The following VPS13B variants were observed in gnomAD, a reference collection of about 807,000 sequenced individuals.
VPS13B encodes the protein vacuolar protein sorting 13 homolog B, also known as intermembrane lipid transfer protein VPS13B.
Under a neutral mutation model 426.4 loss-of-function variants are expected in VPS13B, and 285 were observed. The ratio of observed to expected loss-of-function variants is 0.67; its 90% CI spans 0.61 to 0.74. The LOEUF is 0.74. VPS13B is among the 30% of genes least tolerant of loss of function. The probability of loss-of-function intolerance (pLI) is 0.00; values close to 1 mark genes in which losing one functional copy is unlikely to be tolerated. For synonymous variants in VPS13B, 1,676 were observed against 1,676.4 expected (o/e 1.00, Z 0.01); for missense variants, 4,537 against 4,782.6 (o/e 0.95, Z 1.51).
At chr8:99,352,874 AG>A (rs1370505437) in intron 19 of VPS13B, among the ~76,000 whole-genome samples, 2 of 152,118 alleles carry the variant, frequency 1.3e-5, no homozygotes, top group African/African-American at 4.8e-5. Context: ...TCTTTTCCAA[AG>A]GGCAAATTGT....
chr8:99,331,377 C>T (rs1296073016), intron 19 of VPS13B, among the ~76,000 whole-genome samples: 1 of 151,690 alleles, frequency 6.6e-6, no homozygotes, highest in Non-Finnish European at 1.5e-5. Flanking sequence ...AACTGTCAGC[C>T]TGTGTAGCAA....
chr8:99,732,020 A>C (rs1265843758), intron 39 of VPS13B, among the ~76,000 whole-genome samples: 1 of 152,206 alleles, frequency 6.6e-6, no homozygotes, highest in African/African-American at 2.4e-5. Flanking sequence ...CAAGAGATTT[A>C]ACATACAATT....
intron 3 of VPS13B, among the ~76,000 whole-genome samples, chr8:99,081,572 C>T (rs1156605157): frequency 8.9e-6 from 1 of 111,934 alleles, no homozygotes; most frequent in Non-Finnish European, 1.8e-5. Context: ...CTATCCCTCC[C>T]CCCTCCCCCA....
At chr8:99,462,798 A>C (rs1338508723) in intron 23 of VPS13B, among the ~76,000 whole-genome samples, 1 of 152,164 alleles carries the variant, frequency 6.6e-6, no homozygotes, top group Non-Finnish European at 1.5e-5. Context: ...CCTTAAGATG[A>C]AGAGGAAGAA....
intron 35 of VPS13B, among the ~76,000 whole-genome samples, chr8:99,694,604 A>G (rs1331156131): frequency 1.8e-5 from 2 of 112,000 alleles, no homozygotes; most frequent in African/African-American, 7.0e-5. Context: ...CTAGAAGAAA[A>G]CCTAGGCATT....
At chr8:99,699,286 A>G (rs553338067) in intron 35 of VPS13B, among the ~76,000 whole-genome samples, 2 of 152,140 alleles carry the variant, frequency 1.3e-5, no homozygotes, top group Admixed American at 6.5e-5. Context: ...AGGGCCACAC[A>G]TGTCACAAGG....
chr8:99,517,298 T>C (rs541548763), intron 29 of VPS13B, among the ~76,000 whole-genome samples: 1 of 152,340 alleles, frequency 6.6e-6, no homozygotes, highest in South Asian at 2.1e-4. Context: ...AAAATTCTGG[T>C]CTTTATTCAA....
At chr8:99,589,161 G>A (rs1826465446) in intron 33 of VPS13B, among the ~76,000 whole-genome samples, 1 of 151,666 alleles carries the variant, frequency 6.6e-6, no homozygotes, top group Admixed American at 6.6e-5. Context: ...CTTGATCATG[G>A]TGGATAAACT....
At chr8:99,675,161 A>T in intron 35 of VPS13B, among the ~76,000 whole-genome samples, 1 of 151,856 alleles carries the variant, frequency 6.6e-6, no homozygotes, top group African/African-American at 2.4e-5. Context: ...TGTCCAGGAA[A>T]GTTTTTATCT....
chr8:99,582,967 A>G (rs1336242736), intron 33 of VPS13B, among the ~76,000 whole-genome samples: 9 of 151,950 alleles, frequency 5.9e-5, no homozygotes, highest in Admixed American at 4.6e-4. Flanking sequence ...TCATTGCTAC[A>G]TTTTCTATTT....
intron 27 of VPS13B, among the ~76,000 whole-genome samples, chr8:99,506,695 A>T (rs1054023640): frequency 1.3e-5 from 2 of 152,050 alleles, no homozygotes; most frequent in Non-Finnish European, 2.9e-5. Flanking sequence ...CCATCACCAC[A>T]TACACACAAA....
At chr8:99,013,477 G>A in intron 1 of VPS13B, 130 bp downstream of exon 1, 1 of 396,782 alleles carries the variant, frequency 2.5e-6, no homozygotes, top group South Asian at 2.2e-5. Context: ...TTGGTGAAGG[G>A]CTACTGCGGC....
At chr8:99,425,584 T>C (rs889601300) in intron 21 of VPS13B, among the ~76,000 whole-genome samples, 3 of 152,116 alleles carry the variant, frequency 2.0e-5, no homozygotes, top group Non-Finnish European at 4.4e-5. Flanking sequence ...TAAGAGCTAT[T>C]TATGACAAAC....
In VPS13B at chr8:99,835,529, A is replaced by T. The variant is rs1333411758; in HGVS notation, c.9743-10A>T. 7 of 1,613,642 alleles carry T rather than the reference A, an allele frequency of 4.3e-6. No homozygotes were observed. The highest frequency in any genetic ancestry group is 2.2e-5 in the East Asian group (1 of 44,882). ...GGCTAATTCTGCATATGCCTTTTTTAAAATTTCAGATATTCCAAAGTTTGA... is the reference window on the plus strand; with the variant it reads ...GGCTAATTCTGCATATGCCTTTTTTTAAATTTCAGATATTCCAAAGTTTGA... On this transcript the variant is annotated splice_polypyrimidine_tract_variant and intron_variant, in intron 53 of 61. Coordinates refer to ENST00000357162, the MANE Select transcript of VPS13B (RefSeq NM_152564.5).
intron 31 of VPS13B, among the ~76,000 whole-genome samples, chr8:99,559,838 C>T (rs1023506798): frequency 2.8e-4 from 42 of 152,164 alleles, no homozygotes; most frequent in Admixed American, 1.6e-3. Context: ...AGTCAGGTAG[C>T]GTGATGCCTC....
chr8:99,020,616 A>G (rs13253769), intron 2 of VPS13B, among the ~76,000 whole-genome samples: 74,426 of 152,046 alleles, frequency 0.49, 19,424 homozygotes, highest in South Asian at 0.65. Flanking sequence ...TTGTTCTTAC[A>G]TAGTATAAGG....
rs533954733 is a variant in VPS13B, at chr8:99,875,645, C to T, written c.11973C>T (p.Ala3991=). ...AATTTACCATGGTGAAAAATAAAGC[C>T]CTGAGGAAAGGGTTTCCTTGAGTCC... is the stretch of plus-strand genomic sequence containing the variant. ...LSKFTMVKNK[A]LRKGFP The change falls in exon 62 of 62, where the codon GCC becomes GCT. Residue 3991 remains alanine (A), a synonymous_variant. Transcript: ENST00000357162. 1.2e-5 allele frequency: 20 copies of T among 1,614,150 alleles called. No individual in the cohort carries two copies. In the South Asian group the frequency reaches 2.0e-4, roughly 16 times the overall value.
chr8:99,608,570 C>G (rs936342131), intron 33 of VPS13B, among the ~76,000 whole-genome samples: 3 of 152,128 alleles, frequency 2.0e-5, no homozygotes, highest in Non-Finnish European at 4.4e-5. Context: ...TTAGTCATCA[C>G]CACAATTTTG....
intron 19 of VPS13B, among the ~76,000 whole-genome samples, chr8:99,377,848 C>T (rs921076833): frequency 6.6e-6 from 1 of 152,128 alleles, no homozygotes; most frequent in African/African-American, 2.4e-5. Context: ...ACAGAGATCA[C>T]ATGGTTCAAG....
Sources: allele counts gnomAD v4.1 joint callset (sites outside exome capture counted in the v4.1 genomes callset), GRCh38; gene constraint gnomAD v4.1.1; transcripts MANE v1.5; gene names NCBI Gene and HGNC (gene_info 2026-07-23, HGNC 2026-07-21).